ARHGEF1: variants seen among roughly 807,000 people sequenced by gnomAD.
The protein encoded by ARHGEF1 is 115 kDa guanine nucleotide exchange factor.
Under a neutral mutation model 119.7 loss-of-function variants are expected in ARHGEF1, and 40 were observed. The ratio of observed to expected loss-of-function variants is 0.33; its 90% confidence interval spans 0.26 to 0.44. The LOEUF (loss-of-function observed/expected upper bound fraction) is 0.44, where lower values mean the gene tolerates loss of function less well. Among genes scored for constraint, ARHGEF1 ranks in the 20% least tolerant of loss-of-function variants. ARHGEF1 has a pLI of 1.00. For synonymous variants in ARHGEF1, 494 were observed against 521.0 expected (o/e 0.95, Z 0.71); for missense variants, 976 against 1,268.3 (o/e 0.77, Z 3.50).
Position 41,907,394 on chromosome 19 carries a change from G to A in ARHGEF1, c.*307G>A, listed in dbSNP as rs1260665720. ...TCCACCCCCACCCCCAAGTGCCTTCGCTCTGTTTTTATACCCTGAATTGGA... is the reference window on the plus strand; with the variant it reads ...TCCACCCCCACCCCCAAGTGCCTTCACTCTGTTTTTATACCCTGAATTGGA... On this transcript the variant is annotated 3_prime_UTR_variant, in exon 29 of 29. Transcript: ENST00000354532. The A allele has an allele frequency of 1.2e-5, 18 of 1,534,662 alleles. No individual in the cohort carries two copies. In the East Asian group the frequency reaches 1.5e-4, roughly 13 times the overall value.
In ARHGEF1 at chr19:41,906,860, A is replaced by G. The variant is rs547318223; in HGVS notation, c.*17+57A>G. 5.9e-6 allele frequency: 8 copies of G among 1,351,542 alleles called. No individual in the cohort carries two copies. The highest frequency in any genetic ancestry group is 1.4e-5 in the South Asian group (1 of 73,028). 83.7% of individuals were successfully genotyped at this position (1,351,542 alleles called of 1,614,324 possible). ...TCCTGAAAGGAGGGTCCCCCTCCAGAGCTCGCATCCCTACAGCCCCTTCTG... is the reference window on the plus strand; with the variant it reads ...TCCTGAAAGGAGGGTCCCCCTCCAGGGCTCGCATCCCTACAGCCCCTTCTG... On this transcript the variant is annotated intron_variant, in intron 28 of 28. Coordinates refer to ENST00000354532, the MANE Select transcript of ARHGEF1 (RefSeq NM_004706.4). The surrounding 1 kb of genome is among the most constrained non-coding windows in gnomAD (Gnocchi z 4.5).
chr19:41,916,940 C>T lies in ARHGEF1; in HGVS notation c.1866-6152C>T, dbSNP rs1471984441. ...CCCCAACCCAAGGCCCCTGCCACTC[C>T]TGCTCCCACCATCCCCATCTGTCTG... On this transcript the variant is annotated intron_variant, in intron 18 of 20. Coordinates refer to the ARHGEF1 transcript ENST00000599589. This position sits in a 1 kb window ranked among gnomAD's most constrained non-coding sequence, Gnocchi z 5.4. Among the ~76,000 whole-genome samples the T allele has an allele frequency of 3.9e-5, 6 of 152,178 alleles. No homozygotes were observed. Among genetic ancestry groups the T allele is most frequent in the African/African-American group, 1.4e-4 (6 of 41,448 alleles).
Position 41,903,586 on chromosome 19 carries a change from GC to G in ARHGEF1, c.1840-118del. On this transcript the variant is annotated intron_variant, in intron 19 of 28. Transcript: ENST00000354532. This position sits in a 1 kb window ranked among gnomAD's most constrained non-coding sequence, Gnocchi z 4.2. ...CCCTCTCAGGGTCATTGGAGGTCAGGCCCAACCCTCAGCTTGCCCGCATCAG... is the reference window on the plus strand; with the variant it reads ...CCCTCTCAGGGTCATTGGAGGTCAGGCCAACCCTCAGCTTGCCCGCATCAG... 1 of 1,195,060 alleles carries G rather than the reference GC, an allele frequency of 8.4e-7. No homozygotes were observed. 74.0% of individuals were successfully genotyped at this position (1,195,060 alleles called of 1,614,324 possible). A position where few individuals can be genotyped will look rare whatever the true frequency, so the allele number is the denominator to read the frequency against.
At chr19:41,909,113 G>A (rs1288161167), downstream of ARHGEF1, 9 of 1,231,772 alleles carry the variant, frequency 7.3e-6, no homozygotes, top group Non-Finnish European at 8.1e-6. This position sits in a 1 kb window ranked among gnomAD's most constrained non-coding sequence, Gnocchi z 5.2. Flanking sequence ...TGTCTCGGAG[G>A]TGAACAGGGG....
In ARHGEF1 at chr19:41,905,202, C is replaced by T. The variant is rs372665100; in HGVS notation, c.2277C>T (p.Ala759=). ...GGTGTGCTCTCATCACTGAGACTGC[C>T]GGATCCCTGAAAGTCCCTGCCCCTG... ...KNWCALITET[A]GSLKVPAPAS... The change falls in exon 24 of 29, where the codon GCC becomes GCT. Residue 759 remains alanine, a synonymous_variant. Coordinates refer to ENST00000354532, the MANE Select transcript of ARHGEF1 (RefSeq NM_004706.4). This position sits in a 1 kb window ranked among gnomAD's most constrained non-coding sequence, Gnocchi z 6.4. The T allele has an allele frequency of 5.9e-5, 96 of 1,613,918 alleles. No homozygotes were observed. Among genetic ancestry groups the T allele is most frequent in the Non-Finnish European group, 7.9e-5 (93 of 1,179,958 alleles).
intron 1 of ARHGEF1, among the ~76,000 whole-genome samples, chr19:41,924,741 C>CT (rs1257088019): frequency 6.6e-6 from 1 of 152,096 alleles, no homozygotes; most frequent in Non-Finnish European, 1.5e-5. Context: ...ACACATGTGT[C>CT]TAACACATGC....
At chr19:41,926,431 T>G (rs2074870763) in intron 1 of ARHGEF1, among the ~76,000 whole-genome samples, 1 of 152,018 alleles carries the variant, frequency 6.6e-6, no homozygotes, top group South Asian at 2.1e-4. Context: ...ATGTGACAGG[T>G]GCATTGATAG....
At chr19:41,898,216 C>A in intron 13 of ARHGEF1, 2 of 1,371,280 alleles carry the variant, frequency 1.5e-6, no homozygotes, top group East Asian at 2.6e-5. Flanking sequence ...AGACCGAGGT[C>A]ATTGAGGCCA....
In ARHGEF1 at chr19:41,900,524, T is replaced by A. The variant is rs139349626; in HGVS notation, c.1268-1363T>A. 5.9e-5 allele frequency among the ~76,000 whole-genome samples: 9 copies of A among 152,272 alleles called. No individual in the cohort carries two copies. In the East Asian group the frequency reaches 1.7e-3, roughly 29 times the overall value. ...AGTCTCAGGGGACTTCTAGGGCCCCTGAAACTCACACATATGCCCTCCGGG... is the reference window on the plus strand; with the variant it reads ...AGTCTCAGGGGACTTCTAGGGCCCCAGAAACTCACACATATGCCCTCCGGG... On this transcript the variant is annotated intron_variant, in intron 14 of 28. Transcript: ENST00000354532.
At chr19:41,926,957 A>C (rs1213529287) in intron 1 of ARHGEF1, among the ~76,000 whole-genome samples, 1 of 152,048 alleles carries the variant, frequency 6.6e-6, no homozygotes, top group East Asian at 1.9e-4. Flanking sequence ...AGAGAGAGAG[A>C]GATAGAAAGA....
intron 11 of ARHGEF1, among the ~76,000 whole-genome samples, 193 bp from the exon 12 acceptor site, chr19:41,895,156 A>G (rs1324487112): frequency 1.5e-5 from 2 of 129,978 alleles, no homozygotes; most frequent in African/African-American, 3.0e-5. Context: ...TCTGGGTCTG[A>G]GGGAGGAGGG....
Position 41,905,561 on chromosome 19 carries a change from C to T in ARHGEF1, c.2337-199C>T. On this transcript the variant is annotated intron_variant, in intron 24 of 28. Coordinates refer to ENST00000354532, the MANE Select transcript of ARHGEF1 (RefSeq NM_004706.4). The surrounding 1 kb of genome is among the most constrained non-coding windows in gnomAD (Gnocchi z 6.4). ...TGTGTGTGCGCATGTGCCGACCCCA[C>T]CACTGCCCCGTCTGTCTCCTGTCTC... 2 of 633,934 alleles carry T rather than the reference C, an allele frequency of 3.2e-6. No individual in the cohort carries two copies. Among genetic ancestry groups the T allele is most frequent in the South Asian group, 1.9e-5 (1 of 51,554 alleles). The allele number at this position is 633,934 out of a possible 1,614,324, so 39.3% of individuals were successfully genotyped here. A position where few individuals can be genotyped will look rare whatever the true frequency, so the allele number is the denominator to read the frequency against.
chr19:41,907,052 CCT>C (rs1165545345), intron 28 of ARHGEF1, 51 bp from the exon 29 acceptor site: 4 of 1,429,224 alleles, frequency 2.8e-6, no homozygotes, highest in Admixed American at 2.6e-5. Flanking sequence ...TCTGTCTCTC[CCT>C]GTCTCTCTCT....
intron 1 of ARHGEF1, chr19:41,923,312 G>C: frequency 2.6e-6 from 1 of 384,620 alleles, no homozygotes; most frequent in Non-Finnish European, 5.2e-6. Context: ...GGAGGAAAGA[G>C]ACAAGACAAG....
At chr19:41,896,561 C>A in intron 13 of ARHGEF1, 79 bp downstream of exon 13, 1 of 1,098,666 alleles carries the variant, frequency 9.1e-7, no homozygotes, top group Non-Finnish European at 1.4e-6. Context: ...CCGCTGCCAT[C>A]TGTGCCTGCC....
intron 1 of ARHGEF1, among the ~76,000 whole-genome samples, chr19:41,926,200 G>T (rs1439110232): frequency 3.3e-5 from 5 of 151,984 alleles, no homozygotes; most frequent in Non-Finnish European, 5.9e-5. Flanking sequence ...ACCTGGAGGG[G>T]CAGGTAAGAG....
At chr19:41,909,317 C>A (rs935846480), downstream of ARHGEF1, 4 of 1,234,986 alleles carry the variant, frequency 3.2e-6, no homozygotes, top group Admixed American at 8.4e-5. This position sits in a 1 kb window ranked among gnomAD's most constrained non-coding sequence, Gnocchi z 5.2. Context: ...GGGGCCCCCC[C>A]AAAGGGACTG....
At chr19:41,927,205 T>G (rs1157155849) in intron 1 of ARHGEF1, among the ~76,000 whole-genome samples, 2 of 151,724 alleles carry the variant, frequency 1.3e-5, no homozygotes, top group Non-Finnish European at 2.9e-5. Context: ...AGGGGAGAGA[T>G]AACAGAAGTG....
At chr19:41,927,503 T>G (rs1307885856) in intron 1 of ARHGEF1, among the ~76,000 whole-genome samples, 1 of 151,864 alleles carries the variant, frequency 6.6e-6, no homozygotes, top group Non-Finnish European at 1.5e-5. Context: ...GTCCCAGATA[T>G]CCACACCCCC....
Sources: gnomAD v4.1 joint callset for allele counts (sites outside exome capture counted in the v4.1 genomes callset) on GRCh38, gnomAD v4.1.1 for gene constraint, Gnocchi (gnomAD v3.1) non-coding constraint, MANE v1.5 for transcripts, NCBI Gene and HGNC (gene_info 2026-07-23, HGNC 2026-07-21) for gene names.